Variants in MUC5AC observed in about 807,000 individuals in gnomAD.
The protein encoded by MUC5AC is mucin-5AC.
In MUC5AC, 158 loss-of-function variants were observed where a neutral mutation model predicts 169.7. The observed-to-expected ratio is 0.93, with a 90% confidence interval of 0.82 to 1.06. The LOEUF (loss-of-function observed/expected upper bound fraction) is 1.06, where lower values mean the gene tolerates loss of function less well. Among genes scored for constraint, MUC5AC ranks in the 50% least tolerant of loss-of-function variants. MUC5AC has a pLI of 0.00. For synonymous variants in MUC5AC, 1,975 were observed against 1,237.0 expected (o/e 1.60, Z -12.52); for missense variants, 4,359 against 3,089.9 (o/e 1.41, Z -9.74).
chr11:1,163,249 C>T (rs774733442), intron 6 of MUC5AC, among the ~76,000 whole-genome samples: 39 of 152,364 alleles, frequency 2.6e-4, no homozygotes, highest in South Asian at 1.0e-3. Flanking sequence ...GGGAGCAAAT[C>T]GCCCATTGGG....
rs1448071507 is a variant in MUC5AC at position 1,175,248 on chromosome 11, C to T, written c.2379C>T (p.Ile793=). Residue 793 remains isoleucine, a synonymous_variant, in exon 19 of 49, where the codon ATC becomes ATT. Coordinates refer to ENST00000621226, the MANE Select transcript of MUC5AC (RefSeq NM_001304359.2). ...GCACACATGGGAAGCTGAGCTGCAT[C>T]GGAGGCCAAGCCCCCGCCCCAGGTG... is the stretch of plus-strand genomic sequence containing the variant. ...CTCTHGKLSC[I]GGQAPAPVCA... is the part of the protein sequence containing the mutation. 15 of 398,560 alleles carry T rather than the reference C, an allele frequency of 3.8e-5. No homozygotes were observed. The highest frequency in any genetic ancestry group is 3.1e-4 in the Admixed American group (7 of 22,720). The allele number at this position is 398,560 out of a possible 1,614,324, so 24.7% of individuals were successfully genotyped here.
In MUC5AC at chr11:1,182,690, C is replaced by T. The variant is rs1448025309; in HGVS notation, c.4545C>T (p.Thr1515=). The T allele has an allele frequency of 3.3e-5, 13 of 398,636 alleles. No individual in the cohort carries two copies. Among genetic ancestry groups the T allele is most frequent in the Admixed American group, 1.3e-4 (3 of 22,718 alleles). The allele number at this position is 398,636 out of a possible 1,614,324, so 24.7% of individuals were successfully genotyped here. The change falls in exon 31 of 49, where the codon ACC becomes ACT. Residue 1515 remains threonine (T), a synonymous_variant. Transcript: ENST00000621226. ...GSSAPSSTPG[T]VSLSTARTTP... is the part of the protein sequence containing the mutation. ...CAGCTCCCAGCAGCACACCTGGCAC[C>T]GTGTCTCTCTCTACAGCCAGGACGA...
intron 30 of MUC5AC, among the ~76,000 whole-genome samples, chr11:1,181,953 G>C (rs1254162638): frequency 6.6e-6 from 1 of 152,248 alleles, no homozygotes; most frequent in African/African-American, 2.4e-5. Flanking sequence ...TGGCCTGGGA[G>C]CCACTTCCCT....
chr11:1,176,127 C>G, intron 19 of MUC5AC, 24 bp from the exon 20 acceptor site: 2 of 398,674 alleles, frequency 5.0e-6, no homozygotes, highest in Non-Finnish European at 8.8e-6. Flanking sequence ...GTGGCTGGCC[C>G]CCTGACGGCC....
chr11:1,162,863 G>A (rs1382944032), intron 5 of MUC5AC, 92 bp from the exon 6 acceptor site: 3 of 1,317,668 alleles, frequency 2.3e-6, no homozygotes, highest in East Asian at 4.6e-5. Flanking sequence ...TCTTCCGTGG[G>A]CCTCGGCCCC....
At chr11:1,181,901 C>T (rs1376393505) in intron 30 of MUC5AC, among the ~76,000 whole-genome samples, 2 of 152,222 alleles carry the variant, frequency 1.3e-5, no homozygotes, top group Non-Finnish European at 2.9e-5. Flanking sequence ...CTCTGGAACT[C>T]ACGTGTTCTG....
At chr11:1,193,406 G>A (rs1017648120) in intron 32 of MUC5AC, 79 bp from the exon 33 acceptor site, 11 of 651,534 alleles carry the variant, frequency 1.7e-5, no homozygotes, top group African/African-American at 8.9e-5. Flanking sequence ...CGGGACTCTC[G>A]GGACTGTGAC....
chr11:1,178,621 T>C lies in MUC5AC; in HGVS notation c.3265T>C (p.Ser1089Pro). 1 of 1,405,090 alleles carries C rather than the reference T, an allele frequency of 7.1e-7. No individual in the cohort carries two copies. Among genetic ancestry groups the C allele is most frequent in the Non-Finnish European group, 9.4e-7 (1 of 1,069,134 alleles). 87.0% of individuals were successfully genotyped at this position (1,405,090 alleles called of 1,614,324 possible). Residue 1089 changes from serine (S) to proline (P), a missense_variant, in exon 25 of 49, where the codon TCC becomes CCC. Coordinates refer to ENST00000621226, the MANE Select transcript of MUC5AC (RefSeq NM_001304359.2). ...DPCTANPFRK[S>P]WAQKQCSILH... ...CTGCACGGCCAACCCCTTCCGCAAG[T>C]CCTGGGCCCAGAAGCAGTGCAGCAT...
In MUC5AC at chr11:1,177,506, A is replaced by G; in HGVS notation, c.2960A>G (p.Glu987Gly). 2.5e-6 allele frequency: 1 copy of G among 398,742 alleles called. No homozygotes were observed. Among genetic ancestry groups the G allele is most frequent in the Non-Finnish European group, 4.4e-6 (1 of 226,142 alleles). The allele number at this position is 398,742 out of a possible 1,614,324, so 24.7% of individuals were successfully genotyped here. A position where few individuals can be genotyped will look rare whatever the true frequency, so the allele number is the denominator to read the frequency against. Residue 987 changes from glutamate (E) to glycine (G), a missense_variant, in exon 24 of 49, where the codon GAG becomes GGG. By Grantham distance (98) the Glu-to-Gly change is moderately conservative. Coordinates refer to ENST00000621226, the MANE Select transcript of MUC5AC (RefSeq NM_001304359.2). ...HGKVEVIGTDESQEVPYTIRQ... is the reference protein window; with the variant it reads ...HGKVEVIGTDGSQEVPYTIRQ... ...AAGGTGGAGGTGATCGGGACGGACG[A>G]GAGCCAGGAGGTGCCATACACCATC... is the stretch of plus-strand genomic sequence containing the variant.
Position 1,182,394 on chromosome 11 carries a change from G to A in MUC5AC, c.4249G>A (p.Gly1417Arg), listed in dbSNP as rs1860835319. The A allele has an allele frequency of 2.5e-6, 1 of 398,472 alleles. No homozygotes were observed. The highest frequency in any genetic ancestry group is 4.4e-6 in the Non-Finnish European group (1 of 226,032). 24.7% of individuals were successfully genotyped at this position (398,472 alleles called of 1,614,324 possible). Residue 1417 changes from glycine (G) to arginine (R), a missense_variant, in exon 31 of 49, where the codon GGG (glycine) becomes AGG (arginine). By Grantham distance (125) the Gly-to-Arg change is moderately radical (BLOSUM62 -2). Transcript: ENST00000621226. ...FDTLENLRAH[G>R]YRVCESPRSV... The stretch of plus-strand genomic sequence containing the variant: ...CACACTGGAGAACCTCCGCGCCCAT[G>A]GGTACCGGGTGTGCGAATCACCCAG...
At chr11:1,172,908 A>G (rs1860581523) in intron 16 of MUC5AC, among the ~76,000 whole-genome samples, 1 of 146,174 alleles carries the variant, frequency 6.8e-6, no homozygotes, top group African/African-American at 2.6e-5. Context: ...TCACTCACCT[A>G]TTCACCCATT....
intron 20 of MUC5AC, 73 bp from the exon 21 acceptor site, chr11:1,176,441 G>A (rs911444635): frequency 8.0e-5 from 32 of 398,882 alleles, no homozygotes; most frequent in East Asian, 1.4e-4. Context: ...TGGTGTGGGT[G>A]AGCTGTCCCT....
At position 1,196,708 on chromosome 11, in the gene MUC5AC, A is replaced by G. The variant is rs79959858; in HGVS notation, c.15817A>G (p.Thr5273Ala). Residue 5273 changes from threonine (T) to alanine (A), a missense_variant, in exon 39 of 49, where the codon ACG becomes GCG. Physicochemically the swap from Thr to Ala is moderately conservative, Grantham distance 58 (BLOSUM62 0). Coordinates refer to ENST00000621226, the MANE Select transcript of MUC5AC (RefSeq NM_001304359.2). The part of the protein sequence containing the change: ...FSTSAQVCVP[T>A]GCPRCLGPHG... ...CACCAGTGCCCAAGTCTGCGTGCCC[A>G]CGGGCTGCCCCAGTACGTGCCCCAG... The G allele has an allele frequency of 2.6e-6, 2 of 757,868 alleles. No homozygotes were observed. 46.9% of individuals were successfully genotyped at this position (757,868 alleles called of 1,614,324 possible).
chr11:1,193,322 T>A (rs1861171774), intron 32 of MUC5AC, among the ~76,000 whole-genome samples, 163 bp from the exon 33 acceptor site: 1 of 151,916 alleles, frequency 6.6e-6, no homozygotes. Flanking sequence ...CCGGGCCAGC[T>A]CGGTGTCTGG....
Position 1,162,839 on chromosome 11 carries a change from C to A in MUC5AC, c.589-116C>A, listed in dbSNP as rs1475240774. 33 of 1,125,990 alleles carry A rather than the reference C, an allele frequency of 2.9e-5. 1 individual carries two copies. Among genetic ancestry groups the A allele is most frequent in the Middle Eastern group, 2.0e-4 (1 of 5,108 alleles). The allele number at this position is 1,125,990 out of a possible 1,614,324, so 69.7% of individuals were successfully genotyped here. On this transcript the variant is annotated intron_variant, in intron 5 of 48. Coordinates refer to ENST00000621226, the MANE Select transcript of MUC5AC (RefSeq NM_001304359.2). ...GTCTGTGCCCCCAGGATGGAGACTGCTTTCGGGGGTGTCTCTTCCGTGGGC... is the reference window on the plus strand; with the variant it reads ...GTCTGTGCCCCCAGGATGGAGACTGATTTCGGGGGTGTCTCTTCCGTGGGC...
intron 15 of MUC5AC, among the ~76,000 whole-genome samples, 166 bp from the exon 16 acceptor site, chr11:1,172,263 G>C (rs956308823): frequency 3.9e-5 from 6 of 152,216 alleles, no homozygotes; most frequent in African/African-American, 1.2e-4. Context: ...GCTTTTCCTC[G>C]GGGAGGGCGC....
chr11:1,167,684 G>C (rs1353387065), intron 11 of MUC5AC, among the ~76,000 whole-genome samples, 193 bp from the exon 12 acceptor site: 3 of 152,202 alleles, frequency 2.0e-5, no homozygotes, highest in African/African-American at 7.2e-5. Flanking sequence ...CCTCCTCAGG[G>C]TGCATGCAGA....
At chr11:1,175,920 C>T (rs1860672034) in intron 19 of MUC5AC, among the ~76,000 whole-genome samples, 2 of 143,850 alleles carry the variant, frequency 1.4e-5, no homozygotes, top group South Asian at 2.2e-4. Flanking sequence ...CACACCCACT[C>T]ATGCACACAC....
rs767299671 is a variant in MUC5AC at position 1,195,230 on chromosome 11, C to T, written c.15409C>T (p.Pro5137Ser). 1 of 759,608 alleles carries T rather than the reference C, an allele frequency of 1.3e-6. No individual in the cohort carries two copies. The highest frequency in any genetic ancestry group is 1.3e-5 in the South Asian group (1 of 74,464). The allele number at this position is 759,608 out of a possible 1,614,324, so 47.1% of individuals were successfully genotyped here. A position where few individuals can be genotyped will look rare whatever the true frequency, so the allele number is the denominator to read the frequency against. ...GTCTACCACGGTCGGGCCCACCACA[C>T]CGCCTGCTCCGTGCCTGCCATCACC... is the stretch of plus-strand genomic sequence containing the variant. ...VGSTTVGPTT[P>S]PAPCLPSPIC... Residue 5137 changes from proline to serine, a missense_variant, in exon 36 of 49, where the codon CCG (proline) becomes TCG (serine). By Grantham distance (74) the Pro-to-Ser change is moderately conservative. Coordinates refer to ENST00000621226, the MANE Select transcript of MUC5AC (RefSeq NM_001304359.2).
Sources: allele counts gnomAD v4.1 joint callset (sites outside exome capture counted in the v4.1 genomes callset), GRCh38; gene constraint gnomAD v4.1.1; transcripts MANE v1.5; gene names NCBI Gene and HGNC (gene_info 2026-07-23, HGNC 2026-07-21).